The following BCO2 variants were observed in gnomAD, a reference collection of about 807,000 sequenced individuals.
BCO2 encodes the protein beta-carotene oxygenase 2, also known as carotenoid-cleaving dioxygenase, mitochondrial.
BCO2 carries 56 observed loss-of-function variants against 65.8 expected under a neutral mutation model. That is an observed-to-expected ratio of 0.85 (90% CI 0.69 to 1.06). The LOEUF is 1.06. Among genes scored for constraint, BCO2 ranks in the 50% least tolerant of loss-of-function variants. BCO2 has a pLI of 0.00. For missense variants in BCO2, 675 were observed against 698.5 expected, an observed-to-expected ratio of 0.97 and a Z score of 0.38; for synonymous variants, 233 against 242.3, an observed-to-expected ratio of 0.96 and a Z score of 0.36.
chr11:112,182,706 G>T (rs548772306), intron 2 of BCO2, among the ~76,000 whole-genome samples: 27 of 151,932 alleles, frequency 1.8e-4, no homozygotes, highest in African/African-American at 5.3e-4. Flanking sequence ...CCTGTCATGG[G>T]GTGGGGGGAG....
intron 8 of BCO2, among the ~76,000 whole-genome samples, chr11:112,203,753 C>T (rs1867795838): frequency 6.6e-6 from 1 of 152,168 alleles, no homozygotes; most frequent in African/African-American, 2.4e-5. Context: ...TCTTTGCCTT[C>T]CCCTCCCCTC....
At chr11:112,217,612 C>A (rs1037298709) in intron 11 of BCO2, 149 bp from the exon 12 acceptor site, 2 of 569,276 alleles carry the variant, frequency 3.5e-6, no homozygotes, top group East Asian at 6.1e-5. Flanking sequence ...CCACCCACCT[C>A]GGCCTCCCAA....
chr11:112,176,374 G>A (rs1357294923), intron 1 of BCO2: 1 of 152,112 alleles, frequency 6.6e-6, no homozygotes, highest in Non-Finnish European at 1.5e-5. Context: ...TCAGACTAAG[G>A]AGAATCAGTT....
chr11:112,197,808 CCTT>C (rs1350273669), intron 5 of BCO2, among the ~76,000 whole-genome samples: 4 of 152,174 alleles, frequency 2.6e-5, no homozygotes, highest in African/African-American at 9.7e-5. Context: ...CCTAGACTCT[CCTT>C]CTCGCTTGTC....
intron 8 of BCO2, among the ~76,000 whole-genome samples, chr11:112,210,942 A>T (rs760069659): frequency 3.3e-5 from 5 of 152,126 alleles, no homozygotes; most frequent in African/African-American, 4.8e-5. Flanking sequence ...TGGTGTAGAA[A>T]GTATATATAT....
In BCO2 at chr11:112,181,786, A is replaced by G. The variant is rs191977110; in HGVS notation, c.293+2304A>G. Reference sequence around the variant, plus strand: ...GATCTTTCTTGTTTGGACCTTCGATACATTCACTTCAAAATGGCCAGTTTA... The same window carrying G: ...GATCTTTCTTGTTTGGACCTTCGATGCATTCACTTCAAAATGGCCAGTTTA... On this transcript the variant is annotated intron_variant, in intron 2 of 11. Transcript: ENST00000357685. 1.2e-5 allele frequency: 10 copies of G among 831,972 alleles called. No individual in the cohort carries two copies. In the African/African-American group the frequency reaches 1.7e-4, roughly 14 times the overall value. The allele number at this position is 831,972 out of a possible 1,614,324, so 51.5% of individuals were successfully genotyped here.
At chr11:112,214,735 T>A (rs372889984) in intron 9 of BCO2, 27 bp from the exon 10 acceptor site, 3 of 1,597,284 alleles carry the variant, frequency 1.9e-6, no homozygotes, top group Non-Finnish European at 2.6e-6. Flanking sequence ...AAGCAACCAC[T>A]ACAAATCCTT....
chr11:112,189,894 G>A (rs1867322230), intron 2 of BCO2, among the ~76,000 whole-genome samples: 2 of 152,122 alleles, frequency 1.3e-5, no homozygotes, highest in Non-Finnish European at 2.9e-5. Context: ...CTTCCCTATT[G>A]TTTTTATAAA....
At chr11:112,184,016 G>C (rs1395707583) in intron 2 of BCO2, among the ~76,000 whole-genome samples, 2 of 152,118 alleles carry the variant, frequency 1.3e-5, no homozygotes, top group Non-Finnish European at 2.9e-5. Context: ...TATTAGCCTA[G>C]TTTTCTCATA....
At position 112,193,606 on chromosome 11, in the gene BCO2, C is replaced by A; in HGVS notation, c.426C>A (p.Ile142=). Residue 142 remains isoleucine, a synonymous_variant, in exon 3 of 12, where the codon ATC becomes ATA. Coordinates refer to ENST00000357685, the MANE Select transcript of BCO2 (RefSeq NM_031938.7). ...KANSAKNRIV[I]SEFGTLALPD... Reference sequence around the variant, plus strand: ...ACAGTGCTAAAAACCGAATTGTGATCTCAGAATTTGGCACACTGGCTCTCC... The same window carrying A: ...ACAGTGCTAAAAACCGAATTGTGATATCAGAATTTGGCACACTGGCTCTCC... 2 of 1,614,162 alleles carry A rather than the reference C, an allele frequency of 1.2e-6. No individual in the cohort carries two copies. Among genetic ancestry groups the A allele is most frequent in the African/African-American group, 1.3e-5 (1 of 75,038 alleles).
intron 2 of BCO2, among the ~76,000 whole-genome samples, chr11:112,186,921 T>C (rs1867216288): frequency 6.6e-6 from 1 of 152,206 alleles, no homozygotes; most frequent in Admixed American, 6.5e-5. Flanking sequence ...TCTCTACCAT[T>C]CTCTAGACAG....
At position 112,189,479 on chromosome 11, in the gene BCO2, C is replaced by T. The variant is rs534432635; in HGVS notation, c.294-3995C>T. Among the ~76,000 whole-genome samples, 11 of 149,414 alleles carry T rather than the reference C, an allele frequency of 7.4e-5. No individual in the cohort carries two copies. The Admixed American group carries it at 7.4e-4, about 10-fold the overall frequency. ...GGAGTGCAGTGGCACGATCTCGGCT[C>T]ACTGCAAGCTCCACCTCCCGGGTTC... On this transcript the variant is annotated intron_variant, in intron 2 of 11. Transcript: ENST00000357685.
chr11:112,214,643 A>C, intron 9 of BCO2, 119 bp from the exon 10 acceptor site: 2 of 695,238 alleles, frequency 2.9e-6, no homozygotes, highest in Non-Finnish European at 4.8e-6. Context: ...CATGACATAG[A>C]ACCTCAGTTC....
At chr11:112,202,955 C>T (rs1372414122) in intron 8 of BCO2, among the ~76,000 whole-genome samples, 1 of 148,922 alleles carries the variant, frequency 6.7e-6, no homozygotes, top group Non-Finnish European at 1.5e-5. Flanking sequence ...GAGCCTCAGG[C>T]AGGAGTATCA....
intron 11 of BCO2, 40 bp from the exon 12 acceptor site, chr11:112,217,720 TG>T: frequency 6.7e-7 from 1 of 1,499,598 alleles, no homozygotes; most frequent in Non-Finnish European, 9.2e-7. Flanking sequence ...AAATTTTTGA[TG>T]AAAAAAAGAT....
chr11:112,209,157 G>A (rs1445566741), intron 8 of BCO2, among the ~76,000 whole-genome samples: 6 of 152,046 alleles, frequency 3.9e-5, no homozygotes, highest in Non-Finnish European at 4.4e-5. Flanking sequence ...CAGTTCTACC[G>A]GTTTTGAAAA....
At chr11:112,179,704 G>T (rs1866980359) in intron 2 of BCO2, 1 of 533,154 alleles carries the variant, frequency 1.9e-6, no homozygotes, top group Non-Finnish European at 3.3e-6. Flanking sequence ...GCCCTCTGTG[G>T]TTTGTACCAA....
intron 8 of BCO2, among the ~76,000 whole-genome samples, chr11:112,203,685 C>A (rs1370258930): frequency 6.6e-6 from 1 of 152,152 alleles, no homozygotes; most frequent in African/African-American, 2.4e-5. Context: ...GTACGTTAGA[C>A]CTCTAGACTT....
chr11:112,193,599 T>C lies in BCO2; in HGVS notation c.419T>C (p.Ile140Thr), dbSNP rs1792609889. The change falls in exon 3 of 12, where the codon ATT (isoleucine) becomes ACT (threonine). Residue 140 changes from isoleucine (I) to threonine (T), a missense_variant. Physicochemically the swap from Ile to Thr is moderately conservative, Grantham distance 89. Coordinates refer to ENST00000357685, the MANE Select transcript of BCO2 (RefSeq NM_031938.7). ...AAGGCCAACAGTGCTAAAAACCGAA[T>C]TGTGATCTCAGAATTTGGCACACTG... ...TYKANSAKNR[I>T]VISEFGTLAL... 1 of 1,614,070 alleles carries C rather than the reference T, an allele frequency of 6.2e-7. No homozygotes were observed. Among genetic ancestry groups the C allele is most frequent in the Non-Finnish European group, 8.5e-7 (1 of 1,179,980 alleles).
Sources: allele counts gnomAD v4.1 joint callset (sites outside exome capture counted in the v4.1 genomes callset), GRCh38; gene constraint gnomAD v4.1.1; transcripts MANE v1.5; gene names NCBI Gene and HGNC (gene_info 2026-07-23, HGNC 2026-07-21).